ZBTB41: variants seen among roughly 807,000 people sequenced by gnomAD.
ZBTB41 encodes the protein zinc finger and BTB domain-containing protein 41.
Under a neutral mutation model 87.6 loss-of-function variants are expected in ZBTB41, and 42 were observed. That is an observed-to-expected ratio of 0.48 (90% CI 0.37 to 0.62). The LOEUF (loss-of-function observed/expected upper bound fraction) is 0.62, where lower values mean the gene tolerates loss of function less well. Among genes scored for constraint, ZBTB41 ranks in the 20% least tolerant of loss-of-function variants. The probability of loss-of-function intolerance (pLI) is 0.00; values close to 1 mark genes in which losing one functional copy is unlikely to be tolerated. For synonymous variants in ZBTB41, 364 were observed against 364.0 expected, an observed-to-expected ratio of 1.00 and a Z score of 0.00; for missense variants, 799 against 1,078.9, an observed-to-expected ratio of 0.74 and a Z score of 3.63.
intron 2 of ZBTB41, among the ~76,000 whole-genome samples, chr1:197,194,798 A>T (rs10494747): frequency 0.6 from 91,945 of 152,004 alleles, 31,450 homozygotes; most frequent in East Asian, 0.91. Context: ...ATTAATTCAA[A>T]TTTTATGCAC....
In ZBTB41 at chr1:197,189,330, G is replaced by A. The variant is rs142540247; in HGVS notation, c.1399-891C>T. On this transcript the variant is annotated intron_variant, in intron 4 of 10. Transcript: ENST00000367405. ...CACCTGGGGTCAGAACTTCAAGATC[G>A]GCCTGGCCAACATAGTGAAACCCCA... Among the ~76,000 whole-genome samples, 918 of 151,806 alleles carry A rather than the reference G, an allele frequency of 6.0e-3. 6 individuals are homozygous for A. Among genetic ancestry groups the A allele is most frequent in the African/African-American group, 0.021 (873 of 41,410 alleles).
chr1:197,159,943 C>T lies in ZBTB41; in HGVS notation c.2146G>A (p.Val716Ile). The change falls in exon 11 of 11, where the codon GTT becomes ATT. Residue 716 changes from valine to isoleucine, a missense_variant. Coordinates refer to ENST00000367405, the MANE Select transcript of ZBTB41 (RefSeq NM_194314.3). ...RIKKTLTKHL[V>I]IHSDARPFNC... Reference sequence around the variant, plus strand: ...AAAGGTCGGGCATCAGAATGAATAACCAGGTGTTTTGTTAATGTTTTCTTA... The same window carrying T: ...AAAGGTCGGGCATCAGAATGAATAATCAGGTGTTTTGTTAATGTTTTCTTA... 1 of 1,613,672 alleles carries T rather than the reference C, an allele frequency of 6.2e-7. No individual in the cohort carries two copies. Among genetic ancestry groups the T allele is most frequent in the Non-Finnish European group, 8.5e-7 (1 of 1,179,772 alleles).
In ZBTB41 at chr1:197,199,808, T is replaced by C. The variant is rs768876153; in HGVS notation, c.666A>G (p.Leu222=). Residue 222 remains leucine (L), a synonymous_variant, in exon 2 of 11, where the codon TTA becomes TTG. Coordinates refer to ENST00000367405, the MANE Select transcript of ZBTB41 (RefSeq NM_194314.3). Reference sequence around the variant, plus strand: ...TATGGGTTTTAGCCAAATGATTCTCTAAAGACTTTTTATAACAAAAATGTC... The same window carrying C: ...TATGGGTTTTAGCCAAATGATTCTCCAAAGACTTTTTATAACAAAAATGTC... ...CSRHFCYKKS[L]ENHLAKTHRS... The C allele has an allele frequency of 1.9e-6, 3 of 1,611,592 alleles. No individual in the cohort carries two copies. Among genetic ancestry groups the C allele is most frequent in the East Asian group, 4.5e-5 (2 of 44,874 alleles).
In ZBTB41 at chr1:197,178,454, T is replaced by C. The variant is rs781297702; in HGVS notation, c.1735A>G (p.Ile579Val). ...CCATGACGAAAACTTTGCCCACAAA[T>C]ACTACAAAGGTGAGGCTTTTCTCCA... ...HSGEKPHLCS[I>V]CGQSFRHGSS... Residue 579 changes from isoleucine (I) to valine (V), a missense_variant, in exon 7 of 11, where the codon ATT becomes GTT. Physicochemically the swap from Ile to Val is conservative, Grantham distance 29 (BLOSUM62 3). Coordinates refer to ENST00000367405, the MANE Select transcript of ZBTB41 (RefSeq NM_194314.3). 2 of 1,608,238 alleles carry C rather than the reference T, an allele frequency of 1.2e-6. No homozygotes were observed. The highest frequency in any genetic ancestry group is 1.7e-6 in the Non-Finnish European group (2 of 1,177,200).
chr1:197,188,295 G>A lies in ZBTB41; in HGVS notation c.1543C>T (p.Leu515=), dbSNP rs370749848. 90 of 1,612,544 alleles carry A rather than the reference G, an allele frequency of 5.6e-5. No individual in the cohort carries two copies. The highest frequency in any genetic ancestry group is 7.5e-5 in the Non-Finnish European group (89 of 1,179,660). Residue 515 remains leucine (L), a synonymous_variant, in exon 5 of 11, where the codon CTG becomes TTG. Coordinates refer to ENST00000367405, the MANE Select transcript of ZBTB41 (RefSeq NM_194314.3). The part of the protein sequence containing the change: ...ARLKHQEKFH[L]GPFPCDICGR... ...TAAGAAAAAGTAACTTGCTTACCCA[G>A]ATGGAACTTTTCTTGATGCTTTAAC...
At position 197,176,677 on chromosome 1, in the gene ZBTB41, A is replaced by T. The variant is rs571224543; in HGVS notation, c.1773-7T>A. On this transcript the variant is annotated splice_polypyrimidine_tract_variant and splice_region_variant and intron_variant, in intron 7 of 10. Transcript: ENST00000367405. ...ATGTACTCGTAAGTGAAGTCTATAA[A>T]GAAAAAAGAATTGAACACCATTAAA... The T allele has an allele frequency of 2.2e-5, 35 of 1,592,084 alleles. No homozygotes were observed. The highest frequency in any genetic ancestry group is 2.2e-5 in the Non-Finnish European group (25 of 1,162,380).
chr1:197,159,649 G>T lies in ZBTB41; in HGVS notation c.2440C>A (p.Pro814Thr). 1 of 1,613,986 alleles carries T rather than the reference G, an allele frequency of 6.2e-7. No homozygotes were observed. Among genetic ancestry groups the T allele is most frequent in the Non-Finnish European group, 8.5e-7 (1 of 1,179,924 alleles). The change falls in exon 11 of 11, where the codon CCA becomes ACA. Residue 814 changes from proline to threonine, a missense_variant. Around this residue, in one of 5 missense-constraint regions of ZBTB41, gnomAD observed 171 missense variants for 191.9 expected, o/e 0.89. Transcript: ENST00000367405. The part of the protein sequence containing the change: ...AEVCVPVTLV[P>T]VQMPDTPSDL... ...CTCGGAGTGTCAGGCATCTGAACTG[G>T]AACCAGAGTTACTGGAACACATACT... is the stretch of plus-strand genomic sequence containing the variant.
chr1:197,167,468 T>C (rs139002803), intron 10 of ZBTB41, among the ~76,000 whole-genome samples: 45 of 152,292 alleles, frequency 3.0e-4, no homozygotes, highest in Admixed American at 9.2e-4. Context: ...GCGCTGGGAT[T>C]ACAGGGGTTT....
chr1:197,160,055 C>G (rs777504229), intron 10 of ZBTB41, 41 bp from the exon 11 acceptor site: 70 of 1,514,416 alleles, frequency 4.6e-5, no homozygotes, highest in Non-Finnish European at 6.2e-5. Flanking sequence ...GTAAAATGTA[C>G]TCAACTTGAT....
At chr1:197,180,169 T>A (rs922572348) in intron 6 of ZBTB41, among the ~76,000 whole-genome samples, 1 of 152,156 alleles carries the variant, frequency 6.6e-6, no homozygotes, top group African/African-American at 2.4e-5. Context: ...TAAGTATGTT[T>A]AAATATATCA....
At chr1:197,178,617 C>A in intron 6 of ZBTB41, 105 bp from the exon 7 acceptor site, 1 of 628,724 alleles carries the variant, frequency 1.6e-6, no homozygotes. Context: ...GATATTATGG[C>A]AATTCTCTCC....
At chr1:197,187,533 T>C (rs148699339) in intron 5 of ZBTB41, among the ~76,000 whole-genome samples, 3 of 152,236 alleles carry the variant, frequency 2.0e-5, no homozygotes, top group Admixed American at 6.5e-5. Flanking sequence ...GGAAATGTGA[T>C]GTAAATCACT....
intron 2 of ZBTB41, among the ~76,000 whole-genome samples, chr1:197,199,070 A>C (rs915543037): frequency 6.6e-6 from 1 of 152,200 alleles, no homozygotes; most frequent in African/African-American, 2.4e-5. Context: ...AAAGCTCTAC[A>C]TGATAATTAT....
intron 5 of ZBTB41, among the ~76,000 whole-genome samples, 184 bp downstream of exon 5, chr1:197,188,108 A>G (rs1311402110): frequency 1.3e-5 from 2 of 152,210 alleles, no homozygotes; most frequent in African/African-American, 2.4e-5. Flanking sequence ...GAGGCTGTGC[A>G]TATGTGGAGG....
chr1:197,190,633 T>G, intron 4 of ZBTB41, 129 bp downstream of exon 4: 1 of 577,594 alleles, frequency 1.7e-6, no homozygotes, highest in Non-Finnish European at 3.0e-6. Flanking sequence ...AGAATAATTT[T>G]ATATAAAAGG....
At chr1:197,194,885 T>C (rs1367111394) in intron 2 of ZBTB41, among the ~76,000 whole-genome samples, 1 of 152,206 alleles carries the variant, frequency 6.6e-6, no homozygotes, top group Non-Finnish European at 1.5e-5. Context: ...TTTGACGGAA[T>C]GCTGGACCCA....
chr1:197,175,604 A>G (rs1659586664), intron 8 of ZBTB41, among the ~76,000 whole-genome samples: 1 of 151,250 alleles, frequency 6.6e-6, no homozygotes, highest in Admixed American at 6.6e-5. Flanking sequence ...AATGAGCCAA[A>G]ATACAAATAT....
chr1:197,197,980 A>C (rs557123520), intron 2 of ZBTB41, among the ~76,000 whole-genome samples: 2 of 152,324 alleles, frequency 1.3e-5, no homozygotes, highest in South Asian at 4.1e-4. Context: ...AAGACAATTA[A>C]GGCAGAATAC....
rs1368073172 is a variant in ZBTB41 at position 197,154,838 on chromosome 1, C to T, written c.*4521G>A. 1 of 152,476 alleles carries T rather than the reference C, an allele frequency of 6.6e-6. No individual in the cohort carries two copies. The highest frequency in any genetic ancestry group is 1.5e-5 in the Non-Finnish European group (1 of 67,906). The allele number at this position is 152,476 out of a possible 1,614,324, so 9.4% of individuals were successfully genotyped here. On this transcript the variant is annotated 3_prime_UTR_variant, in exon 11 of 11. Coordinates refer to ENST00000367405, the MANE Select transcript of ZBTB41 (RefSeq NM_194314.3). Reference sequence around the variant, plus strand: ...GCAAGTAGCATTTACTATAACACTACTTAAAGTTTTAGAAATGCTACTTGT... The same window carrying T: ...GCAAGTAGCATTTACTATAACACTATTTAAAGTTTTAGAAATGCTACTTGT...
Sources: gnomAD v4.1 joint callset for allele counts (sites outside exome capture counted in the v4.1 genomes callset) on GRCh38, gnomAD v4.1.1 for gene constraint, gnomAD v4.1.1 regional missense constraint, MANE v1.5 for transcripts, NCBI Gene and HGNC (gene_info 2026-07-23, HGNC 2026-07-21) for gene names.